The following FLVCR2 variants were observed in gnomAD, a reference collection of about 807,000 sequenced individuals.
The protein encoded by FLVCR2 is FLVCR choline and putative heme transporter 2, also known as choline/ethanolamine transporter FLVCR2.
FLVCR2 carries 38 observed loss-of-function variants against 48.9 expected under a neutral mutation model. The observed-to-expected ratio is 0.78, with a 90% CI of 0.60 to 1.02. The LOEUF is 1.02. FLVCR2 is among the 50% of genes least tolerant of loss of function. FLVCR2 has a pLI of 0.00. For synonymous variants in FLVCR2, 255 were observed against 257.0 expected, an observed-to-expected ratio of 0.99 and a Z score of 0.07; for missense variants, 664 against 663.3, an observed-to-expected ratio of 1.00 and a Z score of -0.01.
Position 75,578,765 on chromosome 14 carries a change from C to T in FLVCR2, c.-208C>T. The T allele has an allele frequency of 1.6e-6, 1 of 612,732 alleles. No individual in the cohort carries two copies. The highest frequency in any genetic ancestry group is 2.9e-6 in the Non-Finnish European group (1 of 347,748). The allele number at this position is 612,732 out of a possible 1,614,324, so 38.0% of individuals were successfully genotyped here. On this transcript the variant is annotated 5_prime_UTR_variant, in exon 1 of 10. Transcript: ENST00000238667. ...TTGGGACAGCGATCGCCGCGGGTGG[C>T]AACAGAGAGCCCCAAGCAAAAGTGG...
chr14:75,595,888 A>T, intron 1 of FLVCR2: 1 of 1,090,314 alleles, frequency 9.2e-7, no homozygotes, highest in Non-Finnish European at 1.4e-6. Flanking sequence ...CGTTCCTCTC[A>T]TTGCTTTCTT....
intron 1 of FLVCR2, among the ~76,000 whole-genome samples, chr14:75,614,924 T>C (rs1209750827): frequency 6.6e-6 from 1 of 152,122 alleles, no homozygotes; most frequent in African/African-American, 2.4e-5. Context: ...GAGAATACCA[T>C]GGGAGAAACT....
chr14:75,606,952 A>T (rs953263370), intron 1 of FLVCR2, among the ~76,000 whole-genome samples: 1 of 152,112 alleles, frequency 6.6e-6, no homozygotes, highest in African/African-American at 2.4e-5. Context: ...TTAAGAAAAA[A>T]AAAAAAGCAA....
At chr14:75,613,929 G>A (rs993528531) in intron 1 of FLVCR2, among the ~76,000 whole-genome samples, 1 of 152,182 alleles carries the variant, frequency 6.6e-6, no homozygotes, top group Non-Finnish European at 1.5e-5. Context: ...CAAGTTGTCT[G>A]TGCAGCTGAA....
chr14:75,624,352 CA>C (rs961078982), intron 2 of FLVCR2, among the ~76,000 whole-genome samples: 3 of 128,684 alleles, frequency 2.3e-5, no homozygotes, highest in African/African-American at 8.8e-5. Context: ...GACTCCGTCT[CA>C]AAAAAAATAA....
intron 1 of FLVCR2, among the ~76,000 whole-genome samples, chr14:75,594,965 G>A (rs538602492): frequency 1.3e-4 from 20 of 152,076 alleles, no homozygotes; most frequent in South Asian, 2.1e-4. Flanking sequence ...AGTTCCTCCC[G>A]CCTCAGCCTC....
At chr14:75,616,211 C>T (rs1024259126) in intron 1 of FLVCR2, among the ~76,000 whole-genome samples, 2 of 151,364 alleles carry the variant, frequency 1.3e-5, no homozygotes, top group Non-Finnish European at 2.9e-5. Flanking sequence ...CCTGTAGTTC[C>T]AGCTACTTGG....
At chr14:75,597,336 G>T in intron 1 of FLVCR2, among the ~76,000 whole-genome samples, 1 of 151,872 alleles carries the variant, frequency 6.6e-6, no homozygotes, top group East Asian at 1.9e-4. Context: ...TCTGGGAAAG[G>T]TTGCATGGAA....
At chr14:75,613,587 T>C (rs1483921031) in intron 1 of FLVCR2, among the ~76,000 whole-genome samples, 3 of 152,308 alleles carry the variant, frequency 2.0e-5, no homozygotes. Context: ...AGTCTTGCTC[T>C]GTTGCCCAGG....
intron 1 of FLVCR2, among the ~76,000 whole-genome samples, chr14:75,598,258 G>A (rs534075817): frequency 6.6e-6 from 1 of 152,208 alleles, no homozygotes; most frequent in South Asian, 2.1e-4. Context: ...TCATGATTTT[G>A]ATTCACCTGA....
chr14:75,629,931 G>C (rs1216723473), intron 3 of FLVCR2, among the ~76,000 whole-genome samples: 2 of 152,172 alleles, frequency 1.3e-5, no homozygotes, highest in African/African-American at 4.8e-5. Flanking sequence ...CACCTACATG[G>C]ACCTAGGGAG....
At chr14:75,593,320 A>G (rs543313992) in intron 1 of FLVCR2, among the ~76,000 whole-genome samples, 1 of 152,332 alleles carries the variant, frequency 6.6e-6, no homozygotes, top group African/African-American at 2.4e-5. Context: ...GGTCATTTAT[A>G]AAGAAAAGGT....
At chr14:75,599,551 T>C (rs1392142319) in intron 1 of FLVCR2, among the ~76,000 whole-genome samples, 1 of 152,236 alleles carries the variant, frequency 6.6e-6, no homozygotes, top group Non-Finnish European at 1.5e-5. Flanking sequence ...ATAGATTTAA[T>C]GTAATCCCTG....
At chr14:75,627,564 G>A (rs1359747792) in intron 3 of FLVCR2, among the ~76,000 whole-genome samples, 2 of 152,162 alleles carry the variant, frequency 1.3e-5, no homozygotes, top group Admixed American at 1.3e-4. Context: ...CCATTGGAGG[G>A]AGCAAAGTCG....
Position 75,621,936 on chromosome 14 carries a change from T to G in FLVCR2, c.670-143T>G, listed in dbSNP as rs1165792542. On this transcript the variant is annotated intron_variant, in intron 1 of 9. Transcript: ENST00000238667. ...TCAGAAGAAAGATTTCTCTGGTGTT[T>G]TGAGGTGAGAAATAATCCCTGCATG... 3 of 903,520 alleles carry G rather than the reference T, an allele frequency of 3.3e-6. No homozygotes were observed. In the African/African-American group the frequency reaches 4.9e-5, roughly 15 times the overall value. 56.0% of individuals were successfully genotyped at this position (903,520 alleles called of 1,614,324 possible).
At chr14:75,625,088 T>TG (rs1889864717) in intron 3 of FLVCR2, among the ~76,000 whole-genome samples, 1 of 12,444 alleles carries the variant, frequency 8.0e-5, no homozygotes, top group African/African-American at 1.2e-4. Context: ...TAAAAAAAAA[T>TG]TTTTTTGCAG....
intron 1 of FLVCR2, among the ~76,000 whole-genome samples, chr14:75,594,036 A>G (rs565304017): frequency 2.0e-5 from 3 of 152,310 alleles, no homozygotes; most frequent in African/African-American, 4.8e-5. Flanking sequence ...CTTTCACCAG[A>G]TATCCTAGTT....
rs529838435 is a variant in FLVCR2, at chr14:75,611,489, G to A, written c.670-10590G>A. Among the ~76,000 whole-genome samples the A allele has an allele frequency of 4.6e-5, 7 of 152,210 alleles. No individual in the cohort carries two copies. The East Asian group carries it at 5.8e-4, about 13-fold the overall frequency. On this transcript the variant is annotated intron_variant, in intron 1 of 9. Coordinates refer to ENST00000238667, the MANE Select transcript of FLVCR2 (RefSeq NM_017791.3). ...AGTGGCTCATGCCTGTAATCCCAGCGCTTTGGGAGGCCGAGGCAGGTGAAT... is the reference window on the plus strand; with the variant it reads ...AGTGGCTCATGCCTGTAATCCCAGCACTTTGGGAGGCCGAGGCAGGTGAAT...
At chr14:75,613,245 A>G (rs1454033240) in intron 1 of FLVCR2, among the ~76,000 whole-genome samples, 1 of 152,146 alleles carries the variant, frequency 6.6e-6, no homozygotes, top group Non-Finnish European at 1.5e-5. Flanking sequence ...CTGTACAGGA[A>G]GCATGGTGCC....
Sources: allele counts gnomAD v4.1 joint callset (sites outside exome capture counted in the v4.1 genomes callset), GRCh38; gene constraint gnomAD v4.1.1; transcripts MANE v1.5; gene names NCBI Gene and HGNC (gene_info 2026-07-23, HGNC 2026-07-21).